Variants in XRCC2 observed in about 807,000 individuals in gnomAD.
The protein encoded by XRCC2 is X-ray repair cross complementing 2, also known as DNA repair protein XRCC2.
A neutral mutation model predicts 27.3 loss-of-function variants in XRCC2; 24 were observed. That is an observed-to-expected ratio of 0.88 (90% CI 0.64 to 1.24). The LOEUF (loss-of-function observed/expected upper bound fraction) is 1.24, where lower values mean the gene tolerates loss of function less well. Among genes scored for constraint, XRCC2 ranks in the 50% most tolerant of loss-of-function variants. XRCC2 has a pLI of 0.00. For synonymous variants in XRCC2, 106 were observed against 115.4 expected, an observed-to-expected ratio of 0.92 and a Z score of 0.52; for missense variants, 321 against 325.8, an observed-to-expected ratio of 0.99 and a Z score of 0.11.
intron 2 of XRCC2, among the ~76,000 whole-genome samples, chr7:152,656,116 T>G (rs1004350306): frequency 3.3e-5 from 5 of 152,324 alleles, no homozygotes; most frequent in African/African-American, 1.2e-4. Context: ...ACAAGTAACC[T>G]AGGTGATGGG....
chr7:152,652,398 G>A (rs1395839551), intron 2 of XRCC2, among the ~76,000 whole-genome samples: 1 of 151,962 alleles, frequency 6.6e-6, no homozygotes, highest in Non-Finnish European at 1.5e-5. Flanking sequence ...ATGCAGAAGC[G>A]CAGACGGGGA....
intron 2 of XRCC2, among the ~76,000 whole-genome samples, chr7:152,657,810 A>C (rs2098031314): frequency 6.6e-6 from 1 of 152,180 alleles, no homozygotes; most frequent in Admixed American, 6.6e-5. Flanking sequence ...AATTCAGAAA[A>C]ATATAGTGAA....
chr7:152,645,002 G>T lies in XRCC2; in HGVS notation c.*3640C>A, dbSNP rs986979366. On this transcript the variant is annotated 3_prime_UTR_variant, in exon 3 of 3. Coordinates refer to ENST00000359321, the MANE Select transcript of XRCC2 (RefSeq NM_005431.2). ...TAGTTCTGTTTAGAAATAACTCCAA[G>T]AATAGTTTTTATATTTTATTTTCAC... The T allele has an allele frequency of 2.0e-5, 3 of 152,140 alleles. No individual in the cohort carries two copies. The highest frequency in any genetic ancestry group is 4.4e-5 in the Non-Finnish European group (3 of 68,036). 9.4% of individuals were successfully genotyped at this position (152,140 alleles called of 1,614,324 possible).
At chr7:152,665,974 T>C (rs1484422170) in intron 1 of XRCC2, among the ~76,000 whole-genome samples, 2 of 152,222 alleles carry the variant, frequency 1.3e-5, no homozygotes, top group Non-Finnish European at 2.9e-5. Flanking sequence ...AACCAACATA[T>C]GATAACAGAC....
intron 1 of XRCC2, among the ~76,000 whole-genome samples, chr7:152,672,559 A>AGT (rs1171520155): frequency 2.6e-5 from 4 of 152,200 alleles, no homozygotes; most frequent in African/African-American, 9.6e-5. Context: ...CTTATCCAAA[A>AGT]TCACAATGCT....
At chr7:152,656,685 CATT>C (rs1306811691) in intron 2 of XRCC2, among the ~76,000 whole-genome samples, 2 of 152,270 alleles carry the variant, frequency 1.3e-5, no homozygotes, top group Non-Finnish European at 2.9e-5. Flanking sequence ...TCCACAAACC[CATT>C]TTAACATATT....
chr7:152,669,279 T>C (rs1412011883), intron 1 of XRCC2, among the ~76,000 whole-genome samples: 10 of 152,204 alleles, frequency 6.6e-5, no homozygotes, highest in Admixed American at 6.5e-4. Flanking sequence ...TGGGCGATTA[T>C]CTGACTTCTT....
At chr7:152,658,358 G>A (rs1441510349) in intron 2 of XRCC2, among the ~76,000 whole-genome samples, 2 of 152,048 alleles carry the variant, frequency 1.3e-5, no homozygotes, top group East Asian at 3.9e-4. Context: ...CACCATGTCG[G>A]CCAGGCTGGT....
chr7:152,658,689 T>G (rs1468060101), intron 2 of XRCC2, among the ~76,000 whole-genome samples: 1 of 110,202 alleles, frequency 9.1e-6, no homozygotes, highest in Non-Finnish European at 1.8e-5. Flanking sequence ...GCAGTTTGTC[T>G]TTTTGTGTCT....
intron 2 of XRCC2, among the ~76,000 whole-genome samples, chr7:152,659,472 T>G (rs1473933760): frequency 2.6e-5 from 4 of 152,128 alleles, no homozygotes; most frequent in Non-Finnish European, 5.9e-5. Context: ...CGCTCGGCTA[T>G]AACCTGATTT....
intron 1 of XRCC2, among the ~76,000 whole-genome samples, chr7:152,668,954 G>T (rs1202674223): frequency 6.6e-6 from 1 of 152,138 alleles, no homozygotes; most frequent in Non-Finnish European, 1.5e-5. Context: ...GTAAATGTCA[G>T]GGCCAGGATT....
chr7:152,667,613 TCAAAG>T (rs3218425), intron 1 of XRCC2, among the ~76,000 whole-genome samples: 25,119 of 151,256 alleles, frequency 0.17, 2,426 homozygotes, highest in South Asian at 0.23. Context: ...TTTTACAACG[TCAAAG>T]CAGAGTATAC....
intron 2 of XRCC2, among the ~76,000 whole-genome samples, chr7:152,652,920 G>A (rs1431069593): frequency 6.6e-6 from 1 of 152,154 alleles, no homozygotes; most frequent in Admixed American, 6.5e-5. Context: ...GGTTGACACA[G>A]GGACCAACAT....
At chr7:152,662,265 C>T (rs1381905535) in intron 1 of XRCC2, among the ~76,000 whole-genome samples, 2 of 152,074 alleles carry the variant, frequency 1.3e-5, no homozygotes, top group African/African-American at 4.8e-5. Flanking sequence ...CGCGCCCAGC[C>T]TATCTGCATT....
chr7:152,666,886 G>A (rs1170330619), intron 1 of XRCC2, among the ~76,000 whole-genome samples: 26 of 151,936 alleles, frequency 1.7e-4, no homozygotes. Flanking sequence ...CCAAAGTGCT[G>A]GGATTACAGG....
rs1064794162 is a variant in XRCC2 at position 152,648,772 on chromosome 7, C to T, written c.713G>A (p.Arg238Lys). The change falls in exon 3 of 3, where the codon AGG (arginine) becomes AAG (lysine). Residue 238 changes from arginine (R) to lysine (K), a missense_variant. Transcript: ENST00000359321. ...ATCATCTTGTTTGGAGAAAAACATC[C>T]TGTGCTTCACCAGTTGCTGCCATGC... ...CKAWQQLVKH[R>K]MFFSKQDDSQ... 6.2e-7 allele frequency: 1 copy of T among 1,614,150 alleles called. No homozygotes were observed. The highest frequency in any genetic ancestry group is 8.5e-7 in the Non-Finnish European group (1 of 1,180,028).
chr7:152,658,308 G>A (rs992661035), intron 2 of XRCC2, among the ~76,000 whole-genome samples: 2 of 151,874 alleles, frequency 1.3e-5, no homozygotes, highest in Non-Finnish European at 2.9e-5. Flanking sequence ...CTGCCACCAC[G>A]CCTGGCTAAT....
At chr7:152,660,544 G>A (rs1323787690) in intron 2 of XRCC2, among the ~76,000 whole-genome samples, 157 bp downstream of exon 2, 1 of 152,196 alleles carries the variant, frequency 6.6e-6, no homozygotes, top group African/African-American at 2.4e-5. Flanking sequence ...GATGAGGAAA[G>A]CTTAAAAGCT....
At chr7:152,661,589 A>G (rs1045898998) in intron 1 of XRCC2, among the ~76,000 whole-genome samples, 3 of 152,182 alleles carry the variant, frequency 2.0e-5, no homozygotes, top group African/African-American at 7.2e-5. Flanking sequence ...GAGCAGCCAC[A>G]GTGCAGAGGT....
Sources: gnomAD v4.1 joint callset for allele counts (sites outside exome capture counted in the v4.1 genomes callset) on GRCh38, gnomAD v4.1.1 for gene constraint, MANE v1.5 for transcripts, NCBI Gene and HGNC (gene_info 2026-07-23, HGNC 2026-07-21) for gene names.